KIFC3: variants seen among roughly 807,000 people sequenced by gnomAD.
The protein encoded by KIFC3 is kinesin-like protein KIFC3.
KIFC3 carries 60 observed loss-of-function variants against 101.8 expected under a neutral mutation model. The observed-to-expected ratio is 0.59, with a 90% CI of 0.48 to 0.73. The LOEUF is 0.73. Among genes scored for constraint, KIFC3 ranks in the 30% least tolerant of loss-of-function variants. KIFC3 has a pLI of 0.00. For synonymous variants in KIFC3, 476 were observed against 482.7 expected (o/e 0.99, Z 0.18); for missense variants, 966 against 1,137.1 (o/e 0.85, Z 2.16).
At chr16:57,862,078 T>C (rs1249952526) in intron 1 of KIFC3, among the ~76,000 whole-genome samples, 1 of 152,272 alleles carries the variant, frequency 6.6e-6, no homozygotes. Flanking sequence ...AAGCGAATTC[T>C]GGCAGCTGGG....
At chr16:57,797,850 C>T (rs1479014116) in intron 2 of KIFC3, 60 of 1,446,122 alleles carry the variant, frequency 4.1e-5, no homozygotes, top group Admixed American at 1.1e-4. Flanking sequence ...AAGTTTAACC[C>T]GGCTTCCAGG....
In KIFC3 at chr16:57,765,544, T is replaced by A. The variant is rs781934560; in HGVS notation, c.1427A>T (p.Asp476Val). 1 of 1,599,288 alleles carries A rather than the reference T, an allele frequency of 6.3e-7. No individual in the cohort carries two copies. The highest frequency in any genetic ancestry group is 1.1e-5 in the South Asian group (1 of 88,448). The change falls in exon 11 of 20, where the codon GAC (aspartate) becomes GTC (valine). Residue 476 changes from aspartate to valine, a missense_variant. Physicochemically the swap from Asp to Val is radical, Grantham distance 152. Transcript: ENST00000445690. ...TNAVTFDADD[D>V]SIIHLLHKGK... ...CTTGTGCAGCAGGTGGATGATGGAG[T>A]CGTCGTCGGCATCGAAAGTCACAGC...
intron 3 of KIFC3, among the ~76,000 whole-genome samples, chr16:57,788,026 A>G (rs967140853): frequency 1.3e-5 from 2 of 152,232 alleles, no homozygotes; most frequent in Admixed American, 1.3e-4. Flanking sequence ...TGGACCCGTA[A>G]GACTACAAGG....
In KIFC3 at chr16:57,764,248, CTGGGAGGGTGG is replaced by C; in HGVS notation, c.1513-12_1513-2del. ...CCAGGGCCTGCACCTCCTGGAACAC[CTGGGAGGGTGG>C]TGGGAGGGAGGCTGGTGGGGGGGCT... On this transcript the variant is annotated splice_acceptor_variant and splice_polypyrimidine_tract_variant and intron_variant, in intron 11 of 19. Coordinates refer to ENST00000445690, the MANE Select transcript of KIFC3 (RefSeq NM_001130100.2). LOFTEE classifies it high-confidence loss of function. 1 of 717,350 alleles carries C rather than the reference CTGGGAGGGTGG, an allele frequency of 1.4e-6. No individual in the cohort carries two copies. Among genetic ancestry groups the C allele is most frequent in the Non-Finnish European group, 2.3e-6 (1 of 432,594 alleles). The allele number at this position is 717,350 out of a possible 1,614,324, so 44.4% of individuals were successfully genotyped here.
At chr16:57,800,921 C>A (rs1334230650) in intron 1 of KIFC3, among the ~76,000 whole-genome samples, 8 of 152,068 alleles carry the variant, frequency 5.3e-5, no homozygotes, top group African/African-American at 1.9e-4. Context: ...TGGTTCAGAA[C>A]CTGGCTCCCC....
chr16:57,793,386 A>ACCAG (rs2054039440), intron 3 of KIFC3, among the ~76,000 whole-genome samples: 1 of 151,988 alleles, frequency 6.6e-6, no homozygotes, highest in African/African-American at 2.4e-5. Context: ...CGAGGTTAGG[A>ACCAG]GTTCAAGACC....
intron 3 of KIFC3, chr16:57,775,641 G>A (rs2051952091): frequency 1.0e-6 from 1 of 985,460 alleles, no homozygotes; most frequent in Admixed American, 6.1e-5. Flanking sequence ...GCAGCTTCCA[G>A]CCAGCAAGGG....
chr16:57,856,792 G>A (rs1271828118), intron 1 of KIFC3, among the ~76,000 whole-genome samples: 1 of 152,128 alleles, frequency 6.6e-6, no homozygotes, highest in East Asian at 1.9e-4. Context: ...CAATTTAGAT[G>A]AAATGGACCA....
upstream of KIFC3, among the ~76,000 whole-genome samples, chr16:57,805,024 T>C (rs1381616460): frequency 6.6e-6 from 1 of 151,590 alleles, no homozygotes; most frequent in African/African-American, 2.4e-5. Flanking sequence ...AGAGACAGGG[T>C]TTCACCATGT....
intron 1 of KIFC3, among the ~76,000 whole-genome samples, chr16:57,821,927 T>C (rs1472672618): frequency 6.6e-6 from 1 of 151,686 alleles, no homozygotes; most frequent in Admixed American, 6.6e-5. Context: ...AAAATAAAGA[T>C]TAGCCTGGCA....
At chr16:57,817,640 G>C (rs1182682285) in intron 1 of KIFC3, among the ~76,000 whole-genome samples, 1 of 152,098 alleles carries the variant, frequency 6.6e-6, no homozygotes, top group Non-Finnish European at 1.5e-5. Context: ...TTCTTAGGAG[G>C]ACACCAGTCA....
chr16:57,760,369 C>T lies in KIFC3; in HGVS notation c.2280G>A (p.Lys760=). The change falls in exon 17 of 20, where the codon AAG becomes AAA. Residue 760 remains lysine, a synonymous_variant. Coordinates refer to ENST00000445690, the MANE Select transcript of KIFC3 (RefSeq NM_001130100.2). ...CCACAGAGCGCACCCTCTCAGCAAA[C>T]TTGAGGGAATAGAGCGTCTCGCTAG... is the stretch of plus-strand genomic sequence containing the variant. The part of the protein sequence containing the change: ...KNTSETLYSL[K]FAERVRSVEL... 6 of 1,613,978 alleles carry T rather than the reference C, an allele frequency of 3.7e-6. No homozygotes were observed. The highest frequency in any genetic ancestry group is 5.1e-6 in the Non-Finnish European group (6 of 1,179,976).
chr16:57,833,736 G>A (rs572405452), intron 1 of KIFC3, among the ~76,000 whole-genome samples: 6 of 152,166 alleles, frequency 3.9e-5, no homozygotes, highest in Non-Finnish European at 7.3e-5. Context: ...AATTACTGAA[G>A]AGGAATTTAT....
At chr16:57,792,063 GGTATGT>G (rs1555620529) in intron 3 of KIFC3, among the ~76,000 whole-genome samples, 3 of 152,164 alleles carry the variant, frequency 2.0e-5, no homozygotes, top group Non-Finnish European at 4.4e-5. Context: ...CCCCTTGAAG[GGTATGT>G]GTTTCCCACA....
In KIFC3 at chr16:57,758,914, A is replaced by T; in HGVS notation, c.*25-5T>A. ...CAGGCAGTGGCCGCGACTTCCCTGC[A>T]GGGGCATGAGATCATCAGCCTCTTG... On this transcript the variant is annotated splice_polypyrimidine_tract_variant and splice_region_variant and intron_variant, in intron 19 of 19. Coordinates refer to ENST00000445690, the MANE Select transcript of KIFC3 (RefSeq NM_001130100.2). 6.4e-7 allele frequency: 1 copy of T among 1,573,074 alleles called. No individual in the cohort carries two copies. Among genetic ancestry groups the T allele is most frequent in the African/African-American group, 1.4e-5 (1 of 74,072 alleles).
intron 3 of KIFC3, chr16:57,788,823 G>A (rs1254192348): frequency 1.2e-5 from 13 of 1,056,154 alleles, no homozygotes; most frequent in South Asian, 1.0e-4. Context: ...AGGGCCCAGC[G>A]GGTCCAGTCC....
intron 1 of KIFC3, among the ~76,000 whole-genome samples, chr16:57,832,241 G>A (rs1028133366): frequency 6.7e-6 from 1 of 149,858 alleles, no homozygotes; most frequent in Non-Finnish European, 1.5e-5. Flanking sequence ...GGCTGGACTC[G>A]AACTCCTGAA....
rs146941167 is a variant in KIFC3 at position 57,862,680 on chromosome 16, C to T, written c.108+49G>A. 218 of 674,810 alleles carry T rather than the reference C, an allele frequency of 3.2e-4. 4 individuals carry two copies. In the East Asian group the frequency reaches 0.011, roughly 35 times the overall value. The allele number at this position is 674,810 out of a possible 1,614,324, so 41.8% of individuals were successfully genotyped here. ...TCCTGCTTCTGAAATTTCTCTCCAA[C>T]AGGCCTCCTCCTCCCATTCCCACTG... On this transcript the variant is annotated intron_variant, in intron 1 of 2. Transcript: ENST00000563028.
chr16:57,766,901 A>T lies in KIFC3; in HGVS notation c.1303T>A (p.Cys435Ser), dbSNP rs782068609. The T allele has an allele frequency of 5.0e-6, 8 of 1,611,188 alleles. No homozygotes were observed. Among genetic ancestry groups the T allele is most frequent in the Non-Finnish European group, 6.8e-6 (8 of 1,179,920 alleles). ...TTCAGCCGCACGAGCTCATTGTGGC[A>T]CTTCTTACGCAGCTGCAGCTCGCGG... ...YRRELQLRKK[C>S]HNELVRLKGN... The change falls in exon 10 of 20, where the codon TGC becomes AGC. Residue 435 changes from cysteine to serine, a missense_variant. By Grantham distance (112) the Cys-to-Ser change is moderately radical. Around this residue, in one of 2 missense-constraint regions of KIFC3, gnomAD observed 689 missense variants for 884.6 expected, o/e 0.78. Coordinates refer to ENST00000445690, the MANE Select transcript of KIFC3 (RefSeq NM_001130100.2).
Sources: allele counts gnomAD v4.1 joint callset (sites outside exome capture counted in the v4.1 genomes callset), GRCh38; gene constraint gnomAD v4.1.1; regional missense constraint gnomAD v4.1.1; transcripts MANE v1.5; gene names NCBI Gene and HGNC (gene_info 2026-07-23, HGNC 2026-07-21).